The following ADAMTS9 variants were observed in gnomAD, a reference collection of about 807,000 sequenced individuals.
ADAMTS9 encodes ADAM metallopeptidase with thrombospondin type 1 motif 9, also known as A disintegrin and metalloproteinase with thrombospondin motifs 9.
Under a neutral mutation model 257.1 loss-of-function variants are expected in ADAMTS9, and 107 were observed. The ratio of observed to expected loss-of-function variants is 0.42; its 90% CI spans 0.36 to 0.49. ADAMTS9 has a LOEUF of 0.49. ADAMTS9 is among the 20% of genes least tolerant of loss of function. The pLI, the probability that ADAMTS9 is intolerant of heterozygous loss-of-function variation, is 0.03. For synonymous variants in ADAMTS9, 982 were observed against 880.9 expected (o/e 1.11, Z -2.03); for missense variants, 2,353 against 2,469.1 (o/e 0.95, Z 1.00).
rs2084757716 is a variant in ADAMTS9, at chr3:64,616,066, T to C, written c.2918A>G (p.Glu973Gly). 7 of 1,614,094 alleles carry C rather than the reference T, an allele frequency of 4.3e-6. No homozygotes were observed. Among genetic ancestry groups the C allele is most frequent in the Non-Finnish European group, 5.1e-6 (6 of 1,179,990 alleles). ...GCTGCAAAAACCATCATCAACCTTC[T>C]CAGTCTTCCCATCCAGCCTGCTATA... The part of the protein sequence containing the change: ...AKYSRLDGKT[E>G]KVDDGFCSSH... Residue 973 changes from glutamate (E) to glycine (G), a missense_variant, in exon 20 of 40, where the codon GAG becomes GGG. Coordinates refer to ENST00000498707, the MANE Select transcript of ADAMTS9 (RefSeq NM_182920.2).
intron 28 of ADAMTS9, among the ~76,000 whole-genome samples, chr3:64,586,278 G>A (rs1029942100): frequency 6.6e-6 from 1 of 151,846 alleles, no homozygotes; most frequent in East Asian, 1.9e-4. Context: ...GTAAGTGGTT[G>A]TTATAATAAA....
chr3:64,646,974 T>C (rs1270151148), intron 11 of ADAMTS9, among the ~76,000 whole-genome samples: 2 of 152,186 alleles, frequency 1.3e-5, no homozygotes, highest in Non-Finnish European at 2.9e-5. Context: ...CCATCATCTC[T>C]TAGGACTTCT....
chr3:64,546,078 C>A (rs1384621223), intron 32 of ADAMTS9, among the ~76,000 whole-genome samples: 1 of 152,206 alleles, frequency 6.6e-6, no homozygotes, highest in Non-Finnish European at 1.5e-5. Context: ...ATAACTACTC[C>A]TTCTGTAACT....
At chr3:64,653,404 G>A (rs1304627875) in intron 8 of ADAMTS9, among the ~76,000 whole-genome samples, 1 of 152,168 alleles carries the variant, frequency 6.6e-6, no homozygotes, top group East Asian at 1.9e-4. Context: ...GAAAAGAAAA[G>A]GGGTGTGCTC....
intron 3 of ADAMTS9, among the ~76,000 whole-genome samples, chr3:64,671,139 T>C (rs1701475684): frequency 6.6e-6 from 1 of 152,122 alleles, no homozygotes; most frequent in Admixed American, 6.5e-5. Context: ...GTCGCTCAAG[T>C]GGGTAATGGT....
intron 38 of ADAMTS9, 24 bp downstream of exon 38, chr3:64,533,142 C>T: frequency 6.3e-7 from 1 of 1,582,724 alleles, no homozygotes; most frequent in Non-Finnish European, 8.7e-7. Context: ...AAATTCATCT[C>T]CCAACCCATC....
Position 64,613,475 on chromosome 3 carries a change from C to T in ADAMTS9, c.3224G>A (p.Arg1075His), listed in dbSNP as rs781662664. 50 of 1,613,660 alleles carry T rather than the reference C, an allele frequency of 3.1e-5. No individual in the cohort carries two copies. Among genetic ancestry groups the T allele is most frequent in the Admixed American group, 6.7e-5 (4 of 59,984 alleles). ...TTCACCAAACTGACACCAGACCTGG[C>T]GGTGCTTATGCCCTTTTCCACAGGT... Reference protein sequence around the residue: ...LVTCGKGHKHRQVWCQFGEDR... With the variant: ...LVTCGKGHKHHQVWCQFGEDR... Residue 1075 changes from arginine to histidine, a missense_variant, in exon 22 of 40, where the codon CGC (arginine) becomes CAC (histidine). By Grantham distance (29) the Arg-to-His change is conservative (BLOSUM62 0). This residue lies in a region of ADAMTS9 where 1,402 missense variants were observed against 1,441.4 expected (regional missense o/e 0.97). Coordinates refer to ENST00000498707, the MANE Select transcript of ADAMTS9 (RefSeq NM_182920.2).
intron 3 of ADAMTS9, 72 bp downstream of exon 3, chr3:64,681,129 C>G: frequency 6.6e-7 from 1 of 1,513,076 alleles, no homozygotes; most frequent in Non-Finnish European, 8.9e-7. Context: ...TGAAAGAGAG[C>G]TACATCTCTG....
chr3:64,541,571 A>G lies in ADAMTS9; in HGVS notation c.5247T>C (p.Ser1749=). The change falls in exon 34 of 40, where the codon AGT becomes AGC. Residue 1749 remains serine, a synonymous_variant. Coordinates refer to ENST00000498707, the MANE Select transcript of ADAMTS9 (RefSeq NM_182920.2). ...TCATCAGGAAATATTCACCATCTTC[A>G]CTGGCACCTTTAAGTCTTTTTACCT... ...CKEVKRLKGA[S]EDGEYFLMIR... is the part of the protein sequence containing the mutation. The G allele has an allele frequency of 6.2e-7, 1 of 1,614,142 alleles. No homozygotes were observed.
intron 21 of ADAMTS9, chr3:64,615,067 A>G (rs1466887653): frequency 2.7e-6 from 1 of 367,636 alleles, no homozygotes; most frequent in East Asian, 4.5e-5. Flanking sequence ...CTGCAACTTC[A>G]AAATCACAAC....
At chr3:64,559,755 C>T (rs898211983) in intron 30 of ADAMTS9, among the ~76,000 whole-genome samples, 4 of 152,206 alleles carry the variant, frequency 2.6e-5, no homozygotes, top group Non-Finnish European at 5.9e-5. Flanking sequence ...TTCCATTCTT[C>T]GGGATGCAAA....
intron 25 of ADAMTS9, among the ~76,000 whole-genome samples, chr3:64,602,512 C>T (rs573641122): frequency 3.3e-5 from 5 of 152,302 alleles, no homozygotes; most frequent in Non-Finnish European, 7.4e-5. Context: ...CATTGATCTA[C>T]TAGACCCTTT....
intron 39 of ADAMTS9, among the ~76,000 whole-genome samples, chr3:64,519,074 A>T (rs2082818400): frequency 6.6e-6 from 1 of 152,122 alleles, no homozygotes; most frequent in Non-Finnish European, 1.5e-5. Flanking sequence ...CACCGTGCCC[A>T]GCCTCATCAT....
rs183096571 is a variant in ADAMTS9 at position 64,651,856 on chromosome 3, A to G, written c.1317-693T>C. ...CTGGCTTCCTGAAAAGCCAGGCACA[A>G]AAGGGTTCTTAAATTAATCCAGGTT... On this transcript the variant is annotated intron_variant, in intron 8 of 39. Coordinates refer to ENST00000498707, the MANE Select transcript of ADAMTS9 (RefSeq NM_182920.2). 2.6e-5 allele frequency among the ~76,000 whole-genome samples: 4 copies of G among 152,314 alleles called. No homozygotes were observed. The East Asian group carries it at 7.7e-4, about 29-fold the overall frequency.
intron 39 of ADAMTS9, among the ~76,000 whole-genome samples, chr3:64,520,423 G>A (rs1015221184): frequency 6.6e-6 from 1 of 152,126 alleles, no homozygotes; most frequent in African/African-American, 2.4e-5. Flanking sequence ...ATTCTTTACA[G>A]TGTTAGAAGA....
At chr3:64,645,494 G>A (rs1050012886) in intron 11 of ADAMTS9, among the ~76,000 whole-genome samples, 18 of 152,114 alleles carry the variant, frequency 1.2e-4, no homozygotes, top group African/African-American at 4.3e-4. Flanking sequence ...CATTAACCCA[G>A]CAGCCAAGGG....
In ADAMTS9 at chr3:64,615,417, T is replaced by C. The variant is rs916751843; in HGVS notation, c.3093A>G (p.Val1031=). The change falls in exon 21 of 40, where the codon GTA becomes GTG. Residue 1031 remains valine (V), a synonymous_variant. Transcript: ENST00000498707. ...GATGTGTGCATTTGCTGTCATCCAG[T>C]ACATCATTTCGGGTATTGACACAAA... ...RAICVNTRND[V]LDDSKCTHQE... 6.2e-7 allele frequency: 1 copy of C among 1,613,956 alleles called. No individual in the cohort carries two copies. Among genetic ancestry groups the C allele is most frequent in the Non-Finnish European group, 8.5e-7 (1 of 1,179,950 alleles).
chr3:64,661,313 G>GCATATATGAA (rs1559816775), intron 3 of ADAMTS9, among the ~76,000 whole-genome samples: 7 of 151,792 alleles, frequency 4.6e-5, no homozygotes, highest in African/African-American at 1.7e-4. Context: ...ACATATATGA[G>GCATATATGAA]CTTTCAATAT....
intron 21 of ADAMTS9, among the ~76,000 whole-genome samples, chr3:64,614,571 T>C (rs1227570556): frequency 2.0e-5 from 3 of 152,202 alleles, no homozygotes; most frequent in Non-Finnish European, 4.4e-5. Flanking sequence ...GAAACTTCTG[T>C]TTCGTATTTC....
Sources: gnomAD v4.1 joint callset for allele counts (sites outside exome capture counted in the v4.1 genomes callset) on GRCh38, gnomAD v4.1.1 for gene constraint, gnomAD v4.1.1 regional missense constraint, MANE v1.5 for transcripts, NCBI Gene and HGNC (gene_info 2026-07-23, HGNC 2026-07-21) for gene names.